The following ETV5 variants were observed in gnomAD, a reference collection of about 807,000 sequenced individuals.
The protein encoded by ETV5 is ETS variant transcription factor 5, also known as ETS translocation variant 5.
ETV5 carries 10 observed loss-of-function variants against 70.0 expected under a neutral mutation model. The observed-to-expected ratio is 0.14, with a 90% CI of 0.09 to 0.24. The LOEUF (loss-of-function observed/expected upper bound fraction) is 0.24. Ranked by LOEUF, ETV5 falls within the 10% of genes least tolerant of loss-of-function variation. The probability of loss-of-function intolerance (pLI) is 1.00; values close to 1 mark genes in which losing one functional copy is unlikely to be tolerated. For synonymous variants in ETV5, 216 were observed against 242.2 expected, an observed-to-expected ratio of 0.89 and a Z score of 1.01; for missense variants, 453 against 651.2, an observed-to-expected ratio of 0.70 and a Z score of 3.31.
chr3:186,066,677 T>C (rs1429711670), intron 7 of ETV5, among the ~76,000 whole-genome samples: 1 of 152,250 alleles, frequency 6.6e-6, no homozygotes, highest in Non-Finnish European at 1.5e-5. Flanking sequence ...TTTGAAGCTA[T>C]TGATTCACTG....
At chr3:186,070,372 G>C (rs539486936) in intron 7 of ETV5, among the ~76,000 whole-genome samples, 1 of 152,334 alleles carries the variant, frequency 6.6e-6, no homozygotes, top group African/African-American at 2.4e-5. Context: ...CTTCCAGAAT[G>C]AAACTCTAGA....
chr3:186,066,136 A>G, intron 7 of ETV5, 64 bp from the exon 8 acceptor site: 2 of 1,422,922 alleles, frequency 1.4e-6, no homozygotes, highest in Non-Finnish European at 1.9e-6. Flanking sequence ...ATGATTGAGC[A>G]CTGGGGACTA....
intron 7 of ETV5, 144 bp downstream of exon 7, chr3:186,079,673 C>T (rs1049057675): frequency 1.3e-6 from 1 of 774,904 alleles, no homozygotes; most frequent in Admixed American, 3.1e-5. Context: ...TTCGTATTAT[C>T]ATTAGTCTTG....
intron 7 of ETV5, among the ~76,000 whole-genome samples, chr3:186,074,549 A>G (rs2150147449): frequency 6.6e-6 from 1 of 152,310 alleles, no homozygotes; most frequent in South Asian, 2.1e-4. Flanking sequence ...AATCATGAAG[A>G]CAGATGTGGA....
chr3:186,100,643 G>T (rs934154591), intron 5 of ETV5, among the ~76,000 whole-genome samples: 1 of 152,284 alleles, frequency 6.6e-6, no homozygotes, highest in South Asian at 2.1e-4. Flanking sequence ...TAATTAGCTG[G>T]TCCTTAGGAA....
chr3:186,055,310 T>G (rs1277000194), intron 11 of ETV5, among the ~76,000 whole-genome samples: 1 of 152,198 alleles, frequency 6.6e-6, no homozygotes, highest in Non-Finnish European at 1.5e-5. Context: ...TCAGTGAACC[T>G]AGGTGACATG....
chr3:186,104,984 C>G (rs557022006), intron 5 of ETV5: 38 of 195,960 alleles, frequency 1.9e-4, no homozygotes, highest in Admixed American at 1.7e-3. Context: ...TCAAGTGATC[C>G]ACCTGCCTCA....
chr3:186,048,476 ATC>A lies in ETV5; in HGVS notation c.*161_*162del. The stretch of plus-strand genomic sequence containing the variant: ...CCTGTTCCCACTCCCCAGCCAATGT[ATC>A]TGTCTTTAAGGGTGCCAATCCAGAG... On this transcript the variant is annotated 3_prime_UTR_variant, in exon 13 of 13. Transcript: ENST00000306376. 6.3e-6 allele frequency: 4 copies of A among 639,446 alleles called. No individual in the cohort carries two copies. In the South Asian group the frequency reaches 7.8e-5, roughly 13 times the overall value. The allele number at this position is 639,446 out of a possible 1,614,324, so 39.6% of individuals were successfully genotyped here. A position where few individuals can be genotyped will look rare whatever the true frequency, so the allele number is the denominator to read the frequency against.
chr3:186,073,457 G>A lies in ETV5; in HGVS notation c.650+6360C>T, dbSNP rs139135474. Among the ~76,000 whole-genome samples the A allele has an allele frequency of 9.6e-4, 146 of 152,312 alleles. 1 individual carries two copies. The highest frequency in any genetic ancestry group is 3.4e-3 in the African/African-American group (141 of 41,572). On this transcript the variant is annotated intron_variant, in intron 7 of 12. Transcript: ENST00000306376. ...GTTTGGAGAAGTTGAGTGCCTGCCT[G>A]AGGTCACACAGCAGCAGAGCGGCGA...
chr3:186,100,441 A>C (rs1714426051), intron 5 of ETV5, among the ~76,000 whole-genome samples: 1 of 152,156 alleles, frequency 6.6e-6, no homozygotes, highest in African/African-American at 2.4e-5. Context: ...AAAATGATGT[A>C]CCCTCTCCAA....
intron 7 of ETV5, among the ~76,000 whole-genome samples, chr3:186,078,560 T>C (rs1385556082): frequency 6.6e-6 from 1 of 152,016 alleles, no homozygotes; most frequent in East Asian, 1.9e-4. Flanking sequence ...AATTTTTACA[T>C]AAAAAACCAA....
In ETV5 at chr3:186,065,965, G is replaced by A; in HGVS notation, c.758C>T (p.Pro253Leu). ...TCCCTGAGGGGGCGGGGGAGCTGCAGGGACAATAGGTTCTGACATTTGCCG... is the reference window on the plus strand; with the variant it reads ...TCCCTGAGGGGGCGGGGGAGCTGCAAGGACAATAGGTTCTGACATTTGCCG... Reference protein sequence around the residue: ...YHRQMSEPIVPAAPPPPQGFK... With the variant: ...YHRQMSEPIVLAAPPPPQGFK... The change falls in exon 8 of 13, where the codon CCT (proline) becomes CTT (leucine). Residue 253 changes from proline (P) to leucine (L), a missense_variant. Coordinates refer to ENST00000306376, the MANE Select transcript of ETV5 (RefSeq NM_004454.3). 6.2e-7 allele frequency: 1 copy of A among 1,611,328 alleles called. No individual in the cohort carries two copies.
chr3:186,092,548 T>C (rs1714206865), intron 5 of ETV5, among the ~76,000 whole-genome samples: 1 of 151,956 alleles, frequency 6.6e-6, no homozygotes. Context: ...GCTTCTTGCC[T>C]CAGCCTCCAG....
rs149899574 is a variant in ETV5 at position 186,099,041 on chromosome 3, C to T, written c.232+6264G>A. 9.8e-5 allele frequency among the ~76,000 whole-genome samples: 15 copies of T among 152,332 alleles called. No individual in the cohort carries two copies. In the East Asian group the frequency reaches 2.9e-3, roughly 29 times the overall value. On this transcript the variant is annotated intron_variant, in intron 5 of 12. Transcript: ENST00000306376. ...TTGCACTCTCTGCTTCAATTTTCCC[C>T]TAGATGCTTCTTTCTTTTTAAACAA...
intron 12 of ETV5, among the ~76,000 whole-genome samples, chr3:186,050,119 T>C (rs1712990513): frequency 6.6e-6 from 1 of 152,192 alleles, no homozygotes; most frequent in Admixed American, 6.5e-5. Flanking sequence ...ATTTCTGAAA[T>C]ATTTTCAAAT....
intron 7 of ETV5, among the ~76,000 whole-genome samples, chr3:186,067,809 G>A (rs895126492): frequency 3.9e-5 from 6 of 152,076 alleles, no homozygotes; most frequent in African/African-American, 1.4e-4. Context: ...AAACCAGGGG[G>A]AAAGAATCTG....
Position 186,057,484 on chromosome 3 carries a change from T to G in ETV5, c.978A>C (p.Ser326=). 2 of 1,613,566 alleles carry G rather than the reference T, an allele frequency of 1.2e-6. No homozygotes were observed. Among genetic ancestry groups the G allele is most frequent in the South Asian group, 2.2e-5 (2 of 91,056 alleles). Residue 326 remains serine (S), a synonymous_variant, in exon 10 of 13, where the codon TCA becomes TCC. Transcript: ENST00000306376. This position sits in a 1 kb window ranked among gnomAD's most constrained non-coding sequence, Gnocchi z 4.9. Reference sequence around the variant, plus strand: ...AGTATAATCGGGGATCTTTTTCATATGAAAAACCTGAAAGAGAATTTAAAA... The same window carrying G: ...AGTATAATCGGGGATCTTTTTCATAGGAAAAACCTGAAAGAGAATTTAAAA... ...GYFSSSHEGF[S]YEKDPRLYFD... is the part of the protein sequence containing the mutation.
chr3:186,087,728 C>T (rs1714091050), intron 5 of ETV5, among the ~76,000 whole-genome samples: 1 of 152,146 alleles, frequency 6.6e-6, no homozygotes. Context: ...TCAAGGCGGC[C>T]ACCCCATGCC....
chr3:186,108,167 A>G (rs1714641595), intron 1 of ETV5, among the ~76,000 whole-genome samples: 1 of 119,202 alleles, frequency 8.4e-6, no homozygotes, highest in South Asian at 3.2e-4. Context: ...GTCGACCAGG[A>G]GTTCGGTTCC....
Sources: gnomAD v4.1 joint callset for allele counts (sites outside exome capture counted in the v4.1 genomes callset) on GRCh38, gnomAD v4.1.1 for gene constraint, Gnocchi (gnomAD v3.1) non-coding constraint, MANE v1.5 for transcripts, NCBI Gene and HGNC (gene_info 2026-07-23, HGNC 2026-07-21) for gene names.